The following PCDHA8 variants were observed in gnomAD, a reference collection of about 807,000 sequenced individuals.
PCDHA8 encodes protocadherin alpha-8.
In PCDHA8, 53 loss-of-function variants were observed where a neutral mutation model predicts 61.8. The ratio of observed to expected loss-of-function variants is 0.86; its 90% CI spans 0.69 to 1.08. The LOEUF is 1.08. PCDHA8 is among the 50% of genes least tolerant of loss of function. The probability of loss-of-function intolerance (pLI) is 0.00; values close to 1 mark genes in which losing one functional copy is unlikely to be tolerated. For missense variants in PCDHA8, 1,293 were observed against 1,245.0 expected, an observed-to-expected ratio of 1.04 and a Z score of -0.58; for synonymous variants, 618 against 556.6, an observed-to-expected ratio of 1.11 and a Z score of -1.55.
chr5:140,873,230 A>G (rs888976655), intron 1 of PCDHA8, among the ~76,000 whole-genome samples: 2 of 152,354 alleles, frequency 1.3e-5, no homozygotes, highest in Admixed American at 1.3e-4. Context: ...AGGCAACAAT[A>G]TAAAAATATA....
chr5:140,903,587 G>A (rs62384486), intron 1 of PCDHA8, among the ~76,000 whole-genome samples: 1 of 152,156 alleles, frequency 6.6e-6, no homozygotes, highest in African/African-American at 2.4e-5. Context: ...GCTGGTGTTG[G>A]CCTGATAAAT....
intron 1 of PCDHA8, among the ~76,000 whole-genome samples, chr5:140,900,791 T>A (rs2068293056): frequency 6.6e-6 from 1 of 152,200 alleles, no homozygotes; most frequent in African/African-American, 2.4e-5. Flanking sequence ...TCCAAACTGT[T>A]CTCCATAGTG....
intron 1 of PCDHA8, among the ~76,000 whole-genome samples, chr5:140,916,853 T>G (rs1233420106): frequency 1.3e-5 from 2 of 152,160 alleles, no homozygotes; most frequent in East Asian, 3.9e-4. Flanking sequence ...AGCCCAGCAC[T>G]AGGAGTTACC....
intron 1 of PCDHA8, chr5:140,969,338 C>G: frequency 1.1e-5 from 18 of 1,613,914 alleles, no homozygotes; most frequent in Non-Finnish European, 1.4e-5. Context: ...TGAGGTGAGA[C>G]AGTGGTCAGG....
intron 3 of PCDHA8, among the ~76,000 whole-genome samples, chr5:141,002,660 T>C (rs1366913026): frequency 1.3e-5 from 2 of 152,170 alleles, no homozygotes; most frequent in Admixed American, 1.3e-4. Context: ...AGGGCTCTTG[T>C]CAGGACCAAA....
chr5:140,937,599 A>T (rs2091614434), intron 1 of PCDHA8, among the ~76,000 whole-genome samples: 3 of 151,728 alleles, frequency 2.0e-5, no homozygotes, highest in African/African-American at 7.3e-5. Context: ...CCTGGGCAAC[A>T]GAGTGATACT....
Position 141,009,632 on chromosome 5 carries a change from G to A in PCDHA8, c.2548G>A (p.Glu850Lys). 1 of 1,613,032 alleles carries A rather than the reference G, an allele frequency of 6.2e-7. No individual in the cohort carries two copies. Among genetic ancestry groups the A allele is most frequent in the Non-Finnish European group, 8.5e-7 (1 of 1,179,354 alleles). The change falls in exon 4 of 4, where the codon GAG (glutamate) becomes AAG (lysine). Residue 850 changes from glutamate to lysine, a missense_variant. Transcript: ENST00000531613. The stretch of plus-strand genomic sequence containing the variant: ...TGTAATGTTTTGTCTTTCAGAACCA[G>A]AGGCAGGAGAAGTGTCCCCTCCAGT... ...PTVSSATPEP[E>K]AGEVSPPVGA...
At chr5:140,899,702 G>A (rs2067498720) in intron 1 of PCDHA8, among the ~76,000 whole-genome samples, 1 of 152,228 alleles carries the variant, frequency 6.6e-6, no homozygotes, top group African/African-American at 2.4e-5. Flanking sequence ...CATAAAATGA[G>A]TTAGGGAGGA....
At chr5:140,944,304 C>T (rs1383475197) in intron 1 of PCDHA8, among the ~76,000 whole-genome samples, 1 of 152,162 alleles carries the variant, frequency 6.6e-6, no homozygotes, top group Non-Finnish European at 1.5e-5. Context: ...CCTCCTACCT[C>T]AGCCTCCTGA....
intron 3 of PCDHA8, among the ~76,000 whole-genome samples, chr5:141,003,903 G>A (rs150270772): frequency 6.6e-6 from 1 of 152,076 alleles, no homozygotes; most frequent in Non-Finnish European, 1.5e-5. Flanking sequence ...CCATTCATTT[G>A]GGTCTTGACT....
intron 1 of PCDHA8, among the ~76,000 whole-genome samples, chr5:140,963,141 A>T (rs2095739692): frequency 6.6e-6 from 1 of 152,148 alleles, no homozygotes; most frequent in Non-Finnish European, 1.5e-5. Flanking sequence ...AATTATTTGG[A>T]TGAATTTAAA....
intron 1 of PCDHA8, among the ~76,000 whole-genome samples, chr5:140,972,293 C>T (rs912767406): frequency 2.0e-5 from 3 of 151,768 alleles, no homozygotes; most frequent in Non-Finnish European, 4.4e-5. Flanking sequence ...ATGTGCGCCA[C>T]CGTGTCTGAC....
intron 1 of PCDHA8, chr5:140,851,006 T>G (rs2041921883): frequency 7.0e-7 from 1 of 1,437,372 alleles, no homozygotes; most frequent in Non-Finnish European, 9.2e-7. Flanking sequence ...TCCAGCAGAT[T>G]TTTTTTCTGA....
At chr5:140,918,237 T>C (rs2078587640) in intron 1 of PCDHA8, among the ~76,000 whole-genome samples, 2 of 152,240 alleles carry the variant, frequency 1.3e-5, no homozygotes, top group Admixed American at 1.3e-4. Context: ...TGTACATTGA[T>C]TTTGTATGCT....
intron 1 of PCDHA8, among the ~76,000 whole-genome samples, chr5:140,920,334 T>A (rs2079581280): frequency 6.6e-6 from 1 of 152,212 alleles, no homozygotes; most frequent in South Asian, 2.1e-4. Context: ...TTATGGCATT[T>A]CTTATTTGTC....
intron 1 of PCDHA8, chr5:140,862,894 T>A (rs251369): frequency 0.66 from 367,469 of 559,470 alleles, 121,120 homozygotes; most frequent in Middle Eastern, 0.71. Flanking sequence ...AACGACAACT[T>A]TGTCTGCGCT....
At chr5:140,918,667 G>A (rs2078804677) in intron 1 of PCDHA8, among the ~76,000 whole-genome samples, 1 of 152,172 alleles carries the variant, frequency 6.6e-6, no homozygotes, top group African/African-American at 2.4e-5. Flanking sequence ...TTGATGGTAT[G>A]AAGAGGTGAG....
At chr5:140,871,176 GCT>G in intron 1 of PCDHA8, 6 of 1,613,534 alleles carry the variant, frequency 3.7e-6, no homozygotes, top group Non-Finnish European at 5.1e-6. Context: ...CAGAGGCTGC[GCT>G]GGTGGATGTC....
chr5:140,946,335 G>A lies in PCDHA8; in HGVS notation c.2395-32614G>A, dbSNP rs555314202. ...ATTATTGAAAGAGGAAAGATAACAA[G>A]TGATGGAGAGGATGTGGAGAAAAGG... On this transcript the variant is annotated intron_variant, in intron 1 of 3. Transcript: ENST00000531613. Among the ~76,000 whole-genome samples, 250 of 151,944 alleles carry A rather than the reference G, an allele frequency of 1.6e-3. 2 individuals are homozygous for A. The highest frequency in any genetic ancestry group is 2.8e-3 in the Non-Finnish European group (188 of 67,814).
Sources: allele counts gnomAD v4.1 joint callset (sites outside exome capture counted in the v4.1 genomes callset), GRCh38; gene constraint gnomAD v4.1.1; transcripts MANE v1.5; gene names NCBI Gene and HGNC (gene_info 2026-07-23, HGNC 2026-07-21).